SPOCK3: variants seen among roughly 807,000 people sequenced by gnomAD.
The protein encoded by SPOCK3 is testican-3.
SPOCK3 carries 30 observed loss-of-function variants against 56.6 expected under a neutral mutation model. The observed-to-expected ratio is 0.53, with a 90% CI of 0.40 to 0.72. The LOEUF is 0.72. Among genes scored for constraint, SPOCK3 ranks in the 30% least tolerant of loss-of-function variants. SPOCK3 has a pLI of 0.00. For missense variants in SPOCK3, 527 were observed against 530.0 expected, an observed-to-expected ratio of 0.99 and a Z score of 0.06; for synonymous variants, 196 against 183.3, an observed-to-expected ratio of 1.07 and a Z score of -0.56.
chr4:166,817,704 T>C (rs1046458169), intron 6 of SPOCK3, among the ~76,000 whole-genome samples: 7 of 151,864 alleles, frequency 4.6e-5, no homozygotes, highest in Non-Finnish European at 7.4e-5. Context: ...AAACAGGCAA[T>C]TAAAATCTAA....
intron 3 of SPOCK3, among the ~76,000 whole-genome samples, chr4:167,008,247 T>C (rs1244195841): frequency 1.3e-5 from 2 of 152,018 alleles, no homozygotes; most frequent in Admixed American, 1.3e-4. Flanking sequence ...ATTAATATTC[T>C]ATTGTAATGT....
chr4:166,863,681 A>G (rs975823311), intron 6 of SPOCK3, among the ~76,000 whole-genome samples: 3 of 152,188 alleles, frequency 2.0e-5, no homozygotes, highest in East Asian at 3.9e-4. Flanking sequence ...AAAGATCAAA[A>G]AAGACAAAGG....
chr4:167,063,071 A>C (rs1755764382), intron 2 of SPOCK3, among the ~76,000 whole-genome samples: 1 of 151,884 alleles, frequency 6.6e-6, no homozygotes, highest in Non-Finnish European at 1.5e-5. Flanking sequence ...TTCTCTTGCT[A>C]ATCGAATATC....
chr4:167,148,409 T>C (rs1477151741), intron 2 of SPOCK3, among the ~76,000 whole-genome samples: 1 of 152,080 alleles, frequency 6.6e-6, no homozygotes, highest in Non-Finnish European at 1.5e-5. Context: ...CTCTGAGAAA[T>C]AAAGACTCTC....
intron 2 of SPOCK3, among the ~76,000 whole-genome samples, chr4:167,107,791 T>A (rs1182067513): frequency 6.6e-6 from 1 of 151,966 alleles, no homozygotes; most frequent in Non-Finnish European, 1.5e-5. Context: ...GGCATTTCTA[T>A]ATGCCAACAG....
chr4:167,201,334 C>T lies in SPOCK3; in HGVS notation c.189+32651G>A, dbSNP rs191064021. Among the ~76,000 whole-genome samples, 49 of 151,872 alleles carry T rather than the reference C, an allele frequency of 3.2e-4. No individual in the cohort carries two copies. In the East Asian group the frequency reaches 9.3e-3, roughly 29 times the overall value. On this transcript the variant is annotated intron_variant, in intron 2 of 10. Transcript: ENST00000357545. The stretch of plus-strand genomic sequence containing the variant: ...TGATGATGATTGATGATAATATTTT[C>T]CTCAGTCATTAAAAGAAATAATGTA...
At chr4:167,208,264 TA>T (rs2111007190) in intron 2 of SPOCK3, among the ~76,000 whole-genome samples, 1 of 152,294 alleles carries the variant, frequency 6.6e-6, no homozygotes, top group South Asian at 2.1e-4. Context: ...TAAGTAAAAT[TA>T]AAATGGTATA....
At chr4:166,848,742 A>G (rs1031358454) in intron 6 of SPOCK3, among the ~76,000 whole-genome samples, 2 of 152,168 alleles carry the variant, frequency 1.3e-5, no homozygotes, top group African/African-American at 4.8e-5. Context: ...GGGAGCCAAC[A>G]AGCCGGCCAG....
At chr4:166,749,779 T>C (rs1736137597) in intron 8 of SPOCK3, among the ~76,000 whole-genome samples, 1 of 152,154 alleles carries the variant, frequency 6.6e-6, no homozygotes, top group South Asian at 2.1e-4. Flanking sequence ...CTTCTGAGTC[T>C]CTTATATTAA....
intron 2 of SPOCK3, among the ~76,000 whole-genome samples, chr4:167,089,243 A>G (rs1052215570): frequency 6.6e-6 from 1 of 152,320 alleles, no homozygotes; most frequent in African/African-American, 2.4e-5. Flanking sequence ...CCAAACAAAC[A>G]AAAACTACAA....
At chr4:167,050,612 C>G (rs549069626) in intron 3 of SPOCK3, among the ~76,000 whole-genome samples, 2 of 152,134 alleles carry the variant, frequency 1.3e-5, no homozygotes, top group South Asian at 4.2e-4. Flanking sequence ...CATAGAAGCA[C>G]TATTCACAAT....
At chr4:167,081,808 A>G (rs1393097910) in intron 2 of SPOCK3, among the ~76,000 whole-genome samples, 1 of 152,058 alleles carries the variant, frequency 6.6e-6, no homozygotes, top group East Asian at 1.9e-4. Context: ...ATAGATACAG[A>G]ATGGATAAGG....
intron 2 of SPOCK3, among the ~76,000 whole-genome samples, chr4:167,194,026 G>A (rs1024102868): frequency 1.3e-5 from 2 of 152,056 alleles, no homozygotes; most frequent in African/African-American, 4.8e-5. Flanking sequence ...TATCCGATAG[G>A]TCCAGTATGT....
intron 3 of SPOCK3, among the ~76,000 whole-genome samples, chr4:167,007,393 G>A (rs571876710): frequency 6.6e-6 from 1 of 152,132 alleles, no homozygotes; most frequent in East Asian, 1.9e-4. Flanking sequence ...CTATAAAATA[G>A]TTGGTATACT....
chr4:167,104,958 GA>G (rs1320244567), intron 2 of SPOCK3, among the ~76,000 whole-genome samples: 1 of 151,318 alleles, frequency 6.6e-6, no homozygotes, highest in Non-Finnish European at 1.5e-5. Flanking sequence ...GCTGAAGCAA[GA>G]AAAGAAAAAC....
At chr4:167,186,028 A>T (rs1731921398) in intron 2 of SPOCK3, among the ~76,000 whole-genome samples, 2 of 152,160 alleles carry the variant, frequency 1.3e-5, no homozygotes, top group Non-Finnish European at 2.9e-5. Context: ...ACAGAGCTCT[A>T]AAGATATAAA....
chr4:167,172,306 CTT>C (rs1432948865), intron 2 of SPOCK3, among the ~76,000 whole-genome samples: 1 of 152,180 alleles, frequency 6.6e-6, no homozygotes, highest in Admixed American at 6.5e-5. Context: ...TAATATCTCT[CTT>C]TACACTGGGA....
At chr4:166,968,698 G>A (rs1421560483) in intron 4 of SPOCK3, among the ~76,000 whole-genome samples, 1 of 152,204 alleles carries the variant, frequency 6.6e-6, no homozygotes, top group East Asian at 1.9e-4. Flanking sequence ...ACAGGCAGAG[G>A]CCTCATGGAG....
chr4:166,743,220 T>G lies in SPOCK3; in HGVS notation c.932-1161A>C, dbSNP rs80336024. 3.5e-3 allele frequency among the ~76,000 whole-genome samples: 536 copies of G among 152,168 alleles called. 15 individuals carry two copies. The East Asian group carries it at 0.084, about 24-fold the overall frequency. ...GCTATATAAAAGTGGCATTAGAAAATAGTAAAACTGCAAAATAATATACTA... is the reference window on the plus strand; with the variant it reads ...GCTATATAAAAGTGGCATTAGAAAAGAGTAAAACTGCAAAATAATATACTA... On this transcript the variant is annotated intron_variant, in intron 8 of 10. Coordinates refer to ENST00000357545, the MANE Select transcript of SPOCK3 (RefSeq NM_001040159.2).
Sources: gnomAD v4.1 joint callset for allele counts (sites outside exome capture counted in the v4.1 genomes callset) on GRCh38, gnomAD v4.1.1 for gene constraint, MANE v1.5 for transcripts, NCBI Gene and HGNC (gene_info 2026-07-23, HGNC 2026-07-21) for gene names.